The following PCDH15 variants were observed in gnomAD, a reference collection of about 807,000 sequenced individuals.
PCDH15 encodes the protein protocadherin-15.
PCDH15 carries 129 observed loss-of-function variants against 178.5 expected under a neutral mutation model. The observed-to-expected ratio is 0.72, with a 90% CI of 0.63 to 0.84. The LOEUF is 0.84. Among genes scored for constraint, PCDH15 ranks in the 40% least tolerant of loss-of-function variants. The probability of loss-of-function intolerance (pLI) is 0.00; values close to 1 mark genes in which losing one functional copy is unlikely to be tolerated. For synonymous variants in PCDH15, 800 were observed against 732.0 expected, an observed-to-expected ratio of 1.09 and a Z score of -1.50; for missense variants, 2,230 against 2,099.9, an observed-to-expected ratio of 1.06 and a Z score of -1.21.
intron 3 of PCDH15, among the ~76,000 whole-genome samples, chr10:54,519,293 G>A (rs1414622190): frequency 6.6e-6 from 1 of 152,166 alleles, no homozygotes. Context: ...CAGATGACAT[G>A]ATTGTATATT....
chr10:54,855,050 C>T (rs1303065382), intron 3 of PCDH15, among the ~76,000 whole-genome samples: 1 of 152,218 alleles, frequency 6.6e-6, no homozygotes, highest in African/African-American at 2.4e-5. Flanking sequence ...GCTGAGGCTG[C>T]AGGGGGCTGG....
intron 2 of PCDH15, among the ~76,000 whole-genome samples, chr10:54,938,664 C>A (rs1431730724): frequency 1.3e-5 from 2 of 152,098 alleles, no homozygotes; most frequent in African/African-American, 4.8e-5. Context: ...CTCCTAATAA[C>A]AGAAACTGTT....
At chr10:54,866,994 A>G (rs1953954491) in intron 3 of PCDH15, among the ~76,000 whole-genome samples, 2 of 152,160 alleles carry the variant, frequency 1.3e-5, no homozygotes, top group African/African-American at 2.4e-5. Flanking sequence ...GAAAATAAAC[A>G]CTTATTTAAG....
chr10:54,531,547 C>T (rs772522343), intron 2 of PCDH15, among the ~76,000 whole-genome samples: 1 of 152,018 alleles, frequency 6.6e-6, no homozygotes, highest in Non-Finnish European at 1.5e-5. Flanking sequence ...TTTTGAAAAT[C>T]TAGGATTTTC....
intron 3 of PCDH15, among the ~76,000 whole-genome samples, chr10:54,876,642 G>A (rs998222396): frequency 4.6e-5 from 7 of 152,164 alleles, no homozygotes; most frequent in African/African-American, 1.2e-4. Flanking sequence ...AGTAACTGCA[G>A]ATGTGGTAGA....
chr10:55,228,628 T>C lies in PCDH15; in HGVS notation c.-155-61977A>G, dbSNP rs1038543749. Among the ~76,000 whole-genome samples the C allele has an allele frequency of 3.3e-5, 5 of 152,090 alleles. No homozygotes were observed. In the East Asian group the frequency reaches 9.7e-4, roughly 29 times the overall value. On this transcript the variant is annotated intron_variant, in intron 1 of 5. Transcript: ENST00000458638. ...GATTCAATCTCATATTTCAATTCAG[T>C]ATATTTTTCAAACTGGGAAACTAAG...
chr10:54,555,908 A>C (rs1377100989), intron 2 of PCDH15, among the ~76,000 whole-genome samples: 1 of 151,924 alleles, frequency 6.6e-6, no homozygotes, highest in Non-Finnish European at 1.5e-5. Flanking sequence ...GGGGAAGAAC[A>C]CCTCACATTT....
rs1051511990 is a variant in PCDH15, at chr10:54,226,553, C to T, written c.985+10270G>A. ...ATCTCTAGGTGAGATTTGGGTGAGA[C>T]ACAGCCAAACCATATCATTCTGCAC... On this transcript the variant is annotated intron_variant, in intron 9 of 37. Transcript: ENST00000644397. Among the ~76,000 whole-genome samples, 28 of 152,274 alleles carry T rather than the reference C, an allele frequency of 1.8e-4. 1 individual carries two copies. The highest frequency in any genetic ancestry group is 3.4e-3 in the Middle Eastern group (1 of 292).
intron 3 of PCDH15, among the ~76,000 whole-genome samples, chr10:54,858,874 C>A (rs1252574472): frequency 6.6e-6 from 1 of 151,880 alleles, no homozygotes; most frequent in Non-Finnish European, 1.5e-5. Flanking sequence ...AAAACAATAA[C>A]TACTGAAGAA....
chr10:55,189,003 T>C (rs962728211), intron 1 of PCDH15, among the ~76,000 whole-genome samples: 12 of 151,866 alleles, frequency 7.9e-5, no homozygotes, highest in Admixed American at 3.9e-4. Flanking sequence ...CAGATGAGCT[T>C]TTCATATTAT....
intron 3 of PCDH15, among the ~76,000 whole-genome samples, chr10:54,845,166 C>A (rs967743800): frequency 2.0e-5 from 3 of 150,478 alleles, no homozygotes; most frequent in Non-Finnish European, 4.4e-5. Flanking sequence ...TAATTACTTA[C>A]CTGAATGTTC....
At chr10:55,548,251 CACAA>C (rs1451715895) in intron 2 of PCDH15, among the ~76,000 whole-genome samples, 149 of 139,986 alleles carry the variant, frequency 1.1e-3, no homozygotes, top group African/African-American at 3.7e-3. Context: ...CACACACACA[CACAA>C]ACATGATCCT....
At chr10:53,817,344 A>T (rs1003212508) in intron 34 of PCDH15, among the ~76,000 whole-genome samples, 1 of 152,108 alleles carries the variant, frequency 6.6e-6, no homozygotes, top group Admixed American at 6.6e-5. Flanking sequence ...TTCTCTGCAG[A>T]CAGAATCAAA....
intron 30 of PCDH15, among the ~76,000 whole-genome samples, chr10:53,830,498 C>T (rs2076955125): frequency 6.6e-6 from 1 of 152,030 alleles, no homozygotes. Context: ...TCTTCTTAAT[C>T]AGCTCCCCAA....
intron 8 of PCDH15, among the ~76,000 whole-genome samples, chr10:54,308,128 A>G (rs2060666205): frequency 6.6e-6 from 1 of 152,106 alleles, no homozygotes; most frequent in African/African-American, 2.4e-5. Context: ...CTGAGTGCTT[A>G]CAAACTATCT....
intron 1 of PCDH15, among the ~76,000 whole-genome samples, chr10:55,290,015 C>A (rs915122400): frequency 1.3e-5 from 2 of 150,506 alleles, no homozygotes; most frequent in African/African-American, 2.5e-5. Flanking sequence ...TCACTAGATA[C>A]CTGAGTCATG....
Position 54,562,256 on chromosome 10 carries a change from G to T in PCDH15, c.92-34379C>A, listed in dbSNP as rs560721110. Reference sequence around the variant, plus strand: ...TTCACCTGCCTTGGACTCCCAAAGTGCTGGGATTACAGGCATGAGCCACTG... The same window carrying T: ...TTCACCTGCCTTGGACTCCCAAAGTTCTGGGATTACAGGCATGAGCCACTG... On this transcript the variant is annotated intron_variant, in intron 2 of 37. Transcript: ENST00000644397. Among the ~76,000 whole-genome samples, 70 of 152,150 alleles carry T rather than the reference G, an allele frequency of 4.6e-4. 1 individual carries two copies. The South Asian group carries it at 0.013, about 29-fold the overall frequency.
At chr10:54,232,987 G>A (rs1463468298) in intron 9 of PCDH15, among the ~76,000 whole-genome samples, 1 of 144,216 alleles carries the variant, frequency 6.9e-6, no homozygotes, top group East Asian at 2.1e-4. Context: ...TCAGGCTGGA[G>A]TAAAATGATG....
At chr10:54,777,872 T>C (rs1477348927) in intron 1 of PCDH15, among the ~76,000 whole-genome samples, 1 of 152,186 alleles carries the variant, frequency 6.6e-6, no homozygotes, top group African/African-American at 2.4e-5. Flanking sequence ...CCAAAGTATG[T>C]CAGCTAGTAG....
Sources: gnomAD v4.1 joint callset for allele counts (sites outside exome capture counted in the v4.1 genomes callset) on GRCh38, gnomAD v4.1.1 for gene constraint, MANE v1.5 for transcripts, NCBI Gene and HGNC (gene_info 2026-07-23, HGNC 2026-07-21) for gene names.